The following EFCAB9 variants were observed in gnomAD, a reference collection of about 807,000 sequenced individuals.
EFCAB9 encodes EF-hand calcium-binding domain-containing protein 9.
In EFCAB9, 16 loss-of-function variants were observed where a neutral mutation model predicts 15.6. The ratio of observed to expected loss-of-function variants is 1.03; its 90% CI spans 0.69 to 1.56. EFCAB9 has a LOEUF of 1.56. Among genes scored for constraint, EFCAB9 ranks in the 40% most tolerant of loss-of-function variants. The pLI is 0.00. For synonymous variants in EFCAB9, 76 were observed against 85.4 expected (o/e 0.89, Z 0.61); for missense variants, 208 against 235.4 (o/e 0.88, Z 0.76).
intron 1 of EFCAB9, 61 bp from the exon 2 acceptor site, chr5:172,199,322 C>G: frequency 1.3e-6 from 2 of 1,506,266 alleles, no homozygotes; most frequent in South Asian, 1.2e-5. Flanking sequence ...TGGCTTCTAG[C>G]TGTTTAGCAT....
intron 1 of EFCAB9, among the ~76,000 whole-genome samples, chr5:172,194,820 C>T (rs1020751248): frequency 6.6e-6 from 1 of 152,140 alleles, no homozygotes; most frequent in African/African-American, 2.4e-5. Context: ...CCTGGCTCCA[C>T]ACCCATTATT....
intron 3 of EFCAB9, 78 bp downstream of exon 3, chr5:172,200,820 G>A (rs1009361304): frequency 7.5e-7 from 1 of 1,339,376 alleles, no homozygotes; most frequent in African/African-American, 1.5e-5. Flanking sequence ...ACTACATATA[G>A]GAGAGATGGG....
At chr5:172,199,174 C>T (rs553966409) in intron 1 of EFCAB9, among the ~76,000 whole-genome samples, 25 of 152,330 alleles carry the variant, frequency 1.6e-4, no homozygotes, top group African/African-American at 5.5e-4. Context: ...TCCACAACTC[C>T]AGGTCCAGTG....
intron 3 of EFCAB9, 124 bp downstream of exon 3, chr5:172,200,866 C>A: frequency 2.1e-6 from 2 of 938,020 alleles, no homozygotes; most frequent in South Asian, 1.8e-5. Flanking sequence ...CTCAAATAAG[C>A]ACATTGCATG....
intron 1 of EFCAB9, 85 bp from the exon 2 acceptor site, chr5:172,199,298 C>G: frequency 7.1e-7 from 1 of 1,417,486 alleles, no homozygotes; most frequent in South Asian, 1.4e-5. Flanking sequence ...CTTCCAACAT[C>G]ACTACCATTT....
At position 172,202,969 on chromosome 5, in the gene EFCAB9, G is replaced by A. The variant is rs149671609; in HGVS notation, c.463-245G>A. The stretch of plus-strand genomic sequence containing the variant: ...AGCCGAGATAGCGCCACTGCACTCC[G>A]GCCTGGGCGACAGAGAGAGACTCCG... On this transcript the variant is annotated intron_variant, in intron 3 of 3. Transcript: ENST00000398186. Among the ~76,000 whole-genome samples the A allele has an allele frequency of 8.2e-3, 1,247 of 152,088 alleles. 76 individuals carry two copies. Among genetic ancestry groups the A allele is most frequent in the Admixed American group, 0.077 (1,181 of 15,252 alleles).
intron 2 of EFCAB9, 83 bp from the exon 3 acceptor site, chr5:172,200,483 G>A (rs1771238185): frequency 7.3e-7 from 1 of 1,363,280 alleles, no homozygotes; most frequent in Non-Finnish European, 9.7e-7. Context: ...GAAGGGGCTG[G>A]TGAAGATATG....
At chr5:172,196,987 G>C (rs1445285680) in intron 1 of EFCAB9, among the ~76,000 whole-genome samples, 2 of 152,038 alleles carry the variant, frequency 1.3e-5, no homozygotes, top group East Asian at 3.9e-4. Context: ...TTCTGAATGT[G>C]TATGATTAAA....
In EFCAB9 at chr5:172,203,402, A is replaced by G. The variant is rs374536096; in HGVS notation, c.*57A>G. Reference sequence around the variant, plus strand: ...GGATCTGAAAGTACAGAACATGAACATTGATGAAGACTGTTAACATGTCTA... The same window carrying G: ...GGATCTGAAAGTACAGAACATGAACGTTGATGAAGACTGTTAACATGTCTA... On this transcript the variant is annotated 3_prime_UTR_variant, in exon 4 of 4. Transcript: ENST00000398186. 7.6e-5 allele frequency: 114 copies of G among 1,495,026 alleles called. 1 individual carries two copies. The African/African-American group carries it at 1.4e-3, about 19-fold the overall frequency. The allele number at this position is 1,495,026 out of a possible 1,614,324, so 92.6% of individuals were successfully genotyped here.
chr5:172,200,233 T>C lies in EFCAB9; in HGVS notation c.286-333T>C, dbSNP rs114514358. On this transcript the variant is annotated intron_variant, in intron 2 of 3. Coordinates refer to ENST00000398186, the MANE Select transcript of EFCAB9 (RefSeq NM_001171183.2). ...CCACACCCCGCCTCAGTTCCCATTT[T>C]TTTGAGGGAAGGAGGTCATCGTTTT... Among the ~76,000 whole-genome samples the C allele has an allele frequency of 3.8e-3, 575 of 152,268 alleles. 2 individuals are homozygous for C. Among genetic ancestry groups the C allele is most frequent in the African/African-American group, 0.013 (560 of 41,546 alleles).
chr5:172,199,875 C>G (rs1279771029), intron 2 of EFCAB9, among the ~76,000 whole-genome samples: 1 of 151,552 alleles, frequency 6.6e-6, no homozygotes, highest in East Asian at 1.9e-4. Context: ...CCTCAGAGAA[C>G]CTTCTGAGGT....
Position 172,203,407 on chromosome 5 carries a change from T to A in EFCAB9, c.*62T>A. ...TGAAAGTACAGAACATGAACATTGA[T>A]GAAGACTGTTAACATGTCTAAAAAT... On this transcript the variant is annotated 3_prime_UTR_variant, in exon 4 of 4. Transcript: ENST00000398186. 6.7e-7 allele frequency: 1 copy of A among 1,483,630 alleles called. No individual in the cohort carries two copies. Among genetic ancestry groups the A allele is most frequent in the Non-Finnish European group, 8.9e-7 (1 of 1,124,008 alleles). 91.9% of individuals were successfully genotyped at this position (1,483,630 alleles called of 1,614,324 possible).
chr5:172,199,757 T>C (rs1771225642), intron 2 of EFCAB9, among the ~76,000 whole-genome samples: 1 of 152,102 alleles, frequency 6.6e-6, no homozygotes, highest in Admixed American at 6.6e-5. Context: ...AGGACAGATG[T>C]GGCCCATCGC....
intron 3 of EFCAB9, among the ~76,000 whole-genome samples, chr5:172,202,924 TG>T (rs1771280625): frequency 6.6e-6 from 1 of 151,676 alleles, no homozygotes; most frequent in East Asian, 1.9e-4. Flanking sequence ...CACTTGAACC[TG>T]GGAGGTGGAG....
chr5:172,194,185 C>A lies in EFCAB9; in HGVS notation c.13C>A (p.Gln5Lys). The A allele has an allele frequency of 6.5e-7, 1 of 1,537,352 alleles. No homozygotes were observed. Among genetic ancestry groups the A allele is most frequent in the South Asian group, 1.2e-5 (1 of 84,058 alleles). Residue 5 changes from glutamine to lysine, a missense_variant, in exon 1 of 4, where the codon CAA (glutamine) becomes AAA (lysine). Physicochemically the swap from Gln to Lys is moderately conservative, Grantham distance 53 (BLOSUM62 1). Coordinates refer to ENST00000398186, the MANE Select transcript of EFCAB9 (RefSeq NM_001171183.2). Reference sequence around the variant, plus strand: ...ACACAGTACTAAGATGAGACTGAAGCAAGGATCGTTTCTGTGGTACCTCTA... The same window carrying A: ...ACACAGTACTAAGATGAGACTGAAGAAAGGATCGTTTCTGTGGTACCTCTA... MRLK[Q>K]GSFLWYLYLD... is the part of the protein sequence containing the mutation.
intron 2 of EFCAB9, among the ~76,000 whole-genome samples, chr5:172,199,765 C>A (rs548320675): frequency 6.6e-6 from 1 of 152,168 alleles, no homozygotes; most frequent in East Asian, 1.9e-4. Context: ...TGTGGCCCAT[C>A]GCATCCCTTC....
At chr5:172,195,966 C>A (rs1205986306) in intron 1 of EFCAB9, among the ~76,000 whole-genome samples, 1 of 152,038 alleles carries the variant, frequency 6.6e-6, no homozygotes. Flanking sequence ...ACCACACCCG[C>A]TAATTTCTGT....
chr5:172,194,361 T>TTG (rs1173057031), intron 1 of EFCAB9, 53 bp downstream of exon 1: 41 of 1,505,464 alleles, frequency 2.7e-5, no homozygotes, highest in Non-Finnish European at 3.4e-5. Flanking sequence ...TTTTAGCTAA[T>TTG]GTGTAAGAAA....
intron 2 of EFCAB9, 26 bp downstream of exon 2, chr5:172,199,557 T>C: frequency 3.9e-6 from 6 of 1,535,954 alleles, no homozygotes; most frequent in East Asian, 2.4e-5. Context: ...GCTGCTGCCA[T>C]CCTCTTGCTA....
Sources: allele counts gnomAD v4.1 joint callset (sites outside exome capture counted in the v4.1 genomes callset), GRCh38; gene constraint gnomAD v4.1.1; transcripts MANE v1.5; gene names NCBI Gene and HGNC (gene_info 2026-07-23, HGNC 2026-07-21).